The following RGS13 variants were observed in gnomAD, a reference collection of about 807,000 sequenced individuals.
The protein encoded by RGS13 is regulator of G protein signaling 13.
RGS13 carries 14 observed loss-of-function variants against 19.9 expected under a neutral mutation model. The observed-to-expected ratio is 0.70, with a 90% CI of 0.46 to 1.10. The LOEUF is 1.10. Ranked by LOEUF, RGS13 falls within the 50% of genes least tolerant of loss-of-function variation. RGS13 has a pLI of 0.00. For missense variants in RGS13, 205 were observed against 187.1 expected (o/e 1.10, Z -0.56); for synonymous variants, 60 against 56.8 (o/e 1.06, Z -0.25).
intron 3 of RGS13, among the ~76,000 whole-genome samples, chr1:192,642,034 C>T (rs753802585): frequency 6.6e-6 from 1 of 152,170 alleles, no homozygotes. Context: ...CCTGATGACA[C>T]TCTGGCCACA....
At chr1:192,653,155 T>C (rs1368344876) in intron 5 of RGS13, among the ~76,000 whole-genome samples, 1 of 151,888 alleles carries the variant, frequency 6.6e-6, no homozygotes, top group African/African-American at 2.4e-5. Flanking sequence ...GTGTCTTCAG[T>C]ATATAAAGAG....
At chr1:192,646,960 A>G (rs1663234509) in intron 4 of RGS13, 1 of 152,190 alleles carries the variant, frequency 6.6e-6, no homozygotes, top group African/African-American at 2.4e-5. Context: ...TTTCACAACT[A>G]TTTTCTAAAT....
chr1:192,654,117 T>C (rs1013422956), intron 5 of RGS13, among the ~76,000 whole-genome samples: 19 of 151,620 alleles, frequency 1.3e-4, no homozygotes, highest in Non-Finnish European at 1.2e-4. Flanking sequence ...ATATACATTA[T>C]ATATATATTT....
chr1:192,637,054 AG>A (rs1333681684), intron 1 of RGS13, among the ~76,000 whole-genome samples: 3 of 151,946 alleles, frequency 2.0e-5, no homozygotes, highest in Non-Finnish European at 4.4e-5. Flanking sequence ...TAAATAATGG[AG>A]GAAACAAATC....
At chr1:192,650,982 T>C (rs1421303054) in intron 5 of RGS13, among the ~76,000 whole-genome samples, 1 of 151,978 alleles carries the variant, frequency 6.6e-6, no homozygotes, top group Non-Finnish European at 1.5e-5. Context: ...TGGGGGTAAT[T>C]TGCATATAGA....
intron 3 of RGS13, among the ~76,000 whole-genome samples, chr1:192,642,085 C>T (rs1343738916): frequency 1.3e-5 from 2 of 152,142 alleles, no homozygotes; most frequent in Non-Finnish European, 2.9e-5. Context: ...CAAATCTTAA[C>T]ATGTCTATTC....
chr1:192,650,273 C>G (rs930466548), intron 5 of RGS13, among the ~76,000 whole-genome samples: 2 of 151,964 alleles, frequency 1.3e-5, no homozygotes. Flanking sequence ...TTTATAAAAG[C>G]CAGCAAAAAT....
intron 3 of RGS13, among the ~76,000 whole-genome samples, chr1:192,640,839 A>ACT (rs762059518): frequency 3.3e-5 from 5 of 152,018 alleles, no homozygotes; most frequent in Admixed American, 6.6e-5. Context: ...CAATGTCTTA[A>ACT]CTCCTACATT....
Position 192,659,398 on chromosome 1 carries a change from A to T in RGS13, c.355A>T (p.Thr119Ser). 6.2e-7 allele frequency: 1 copy of T among 1,612,996 alleles called. No homozygotes were observed. The highest frequency in any genetic ancestry group is 8.5e-7 in the Non-Finnish European group (1 of 1,179,288). The change falls in exon 7 of 7, where the codon ACA becomes TCA. Residue 119 changes from threonine (T) to serine (S), a missense_variant. By Grantham distance (58) the Thr-to-Ser change is moderately conservative. Transcript: ENST00000391995. ...CAGGAACATTCAGGAACCCACTGAA[A>T]CATGTTTTGAAGAAGCTCAGAAAAT... ...IIRNIQEPTE[T>S]CFEEAQKIVY...
In RGS13 at chr1:192,659,479, T is replaced by C. The variant is rs746299239; in HGVS notation, c.436T>C (p.Tyr146His). ...CCCCAGATTTCTAAAGTCAGAAATG[T>C]ACCAAAAACTTTTGAAAACTATGCA... ...SYPRFLKSEM[Y>H]QKLLKTMQSN... The change falls in exon 7 of 7, where the codon TAC becomes CAC. Residue 146 changes from tyrosine (Y) to histidine (H), a missense_variant. Physicochemically the swap from Tyr to His is moderately conservative, Grantham distance 83. Coordinates refer to ENST00000391995, the MANE Select transcript of RGS13 (RefSeq NM_002927.5). 19 of 1,612,378 alleles carry C rather than the reference T, an allele frequency of 1.2e-5. No homozygotes were observed. In the East Asian group the frequency reaches 3.6e-4, roughly 30 times the overall value.
At chr1:192,649,119 A>G (rs1663271500) in intron 5 of RGS13, among the ~76,000 whole-genome samples, 1 of 152,122 alleles carries the variant, frequency 6.6e-6, no homozygotes. Context: ...ATTTTGTAGC[A>G]TGCCTTTCCA....
chr1:192,644,552 A>T, intron 4 of RGS13, 153 bp downstream of exon 4: 1 of 596,586 alleles, frequency 1.7e-6, no homozygotes, highest in African/African-American at 1.9e-5. Context: ...GAGCAGTCAT[A>T]TGTTACTAAG....
At chr1:192,651,987 T>A (rs1206094182) in intron 5 of RGS13, among the ~76,000 whole-genome samples, 1 of 152,062 alleles carries the variant, frequency 6.6e-6, no homozygotes, top group Non-Finnish European at 1.5e-5. Flanking sequence ...AGTTGTATAT[T>A]TTTCTCTGGC....
At chr1:192,643,822 C>T (rs772298184) in intron 3 of RGS13, among the ~76,000 whole-genome samples, 1 of 152,078 alleles carries the variant, frequency 6.6e-6, no homozygotes, top group Non-Finnish European at 1.5e-5. Context: ...CATGGTGGCG[C>T]ATGCCTGTAG....
intron 5 of RGS13, among the ~76,000 whole-genome samples, chr1:192,656,062 C>A (rs185460643): frequency 3.9e-5 from 6 of 152,180 alleles, no homozygotes; most frequent in Admixed American, 2.6e-4. Context: ...ACAGTTGGTT[C>A]TAAAATGATA....
At chr1:192,657,039 G>A (rs1048539194) in intron 5 of RGS13, among the ~76,000 whole-genome samples, 6 of 151,990 alleles carry the variant, frequency 3.9e-5, no homozygotes, top group African/African-American at 9.7e-5. Context: ...AAAATCCTAC[G>A]CTTTTGGAGG....
At chr1:192,659,229 C>T (rs950918768) in intron 6 of RGS13, 109 bp from the exon 7 acceptor site, 6 of 653,514 alleles carry the variant, frequency 9.2e-6, no homozygotes, top group Non-Finnish European at 1.2e-5. Flanking sequence ...AAGAAAATTA[C>T]CCTATTCCAC....
intron 3 of RGS13, among the ~76,000 whole-genome samples, chr1:192,642,829 C>T (rs767647459): frequency 1.3e-5 from 2 of 152,006 alleles, no homozygotes; most frequent in Non-Finnish European, 2.9e-5. Context: ...CTTCCTGTAT[C>T]CAAGTCCCCA....
At chr1:192,642,486 T>TA (rs200493108) in intron 3 of RGS13, among the ~76,000 whole-genome samples, 4 of 151,662 alleles carry the variant, frequency 2.6e-5, no homozygotes, top group Admixed American at 6.6e-5. Flanking sequence ...TATGCCCAGC[T>TA]AATTTTTTTT....
Sources: gnomAD v4.1 joint callset for allele counts (sites outside exome capture counted in the v4.1 genomes callset) on GRCh38, gnomAD v4.1.1 for gene constraint, MANE v1.5 for transcripts, NCBI Gene and HGNC (gene_info 2026-07-23, HGNC 2026-07-21) for gene names.